DIAPH2: variants seen among roughly 807,000 people sequenced by gnomAD.
DIAPH2 encodes the protein diaphanous related formin 2, also known as protein diaphanous homolog 2.
Under a neutral mutation model 92.7 loss-of-function variants are expected in DIAPH2, and 35 were observed. The ratio of observed to expected loss-of-function variants is 0.38; its 90% CI spans 0.29 to 0.50. DIAPH2 has a LOEUF of 0.50. Among genes scored for constraint, DIAPH2 ranks in the 20% least tolerant of loss-of-function variants. The pLI, the probability that DIAPH2 is intolerant of heterozygous loss-of-function variation, is 0.94. For synonymous variants in DIAPH2, 301 were observed against 280.4 expected (o/e 1.07, Z -0.73); for missense variants, 701 against 819.5 (o/e 0.86, Z 1.77).
intron 25 of DIAPH2, among the ~76,000 whole-genome samples, chrX:97,425,774 C>T (rs1314873112): frequency 6.2e-5 from 6 of 96,541 alleles, no homozygotes; most frequent in African/African-American, 1.2e-4. Flanking sequence ...GAGGGAGACT[C>T]GGTCTCAAAA....
chrX:97,583,007 T>C (rs1342265629), intron 26 of DIAPH2, among the ~76,000 whole-genome samples: 4 of 112,167 alleles, frequency 3.6e-5, no homozygotes, highest in African/African-American at 9.7e-5. Flanking sequence ...GTTCTCGAGC[T>C]TTGGTCTTCA....
rs780653047 is a variant in DIAPH2, at chrX:97,271,813, GCACACA to G, written c.2844+24003_2844+24008del. Among the ~76,000 whole-genome samples, 647 of 91,548 alleles carry G rather than the reference GCACACA, an allele frequency of 7.1e-3. 6 individuals carry two copies. The highest frequency in any genetic ancestry group is 0.024 in the African/African-American group (601 of 25,163). The allele number at this position is 91,548 out of a possible 115,157, so 79.5% of individuals were successfully genotyped here. A position where few individuals can be genotyped will look rare whatever the true frequency, so the allele number is the denominator to read the frequency against. On this transcript the variant is annotated intron_variant, in intron 23 of 26. Coordinates refer to ENST00000324765, the MANE Select transcript of DIAPH2 (RefSeq NM_006729.5). Reference sequence around the variant, plus strand: ...GAGATTGCAATGACTATATATATATGCACACACACACACACACACACACACACACAC... The same window carrying G: ...GAGATTGCAATGACTATATATATATGCACACACACACACACACACACACAC...
chrX:97,314,217 T>A (rs2068821402), intron 23 of DIAPH2, among the ~76,000 whole-genome samples: 1 of 99,891 alleles, frequency 1.0e-5, no homozygotes, highest in Admixed American at 1.2e-4. Flanking sequence ...AAGACGAGCC[T>A]GGGACACATA....
intron 17 of DIAPH2, among the ~76,000 whole-genome samples, chrX:96,983,967 G>A (rs1189105716): frequency 1.8e-5 from 2 of 111,596 alleles, no homozygotes; most frequent in Non-Finnish European, 3.8e-5. Context: ...AATTAGGATG[G>A]ACCCTAGTTA....
At chrX:97,542,146 A>G (rs2071145088) in intron 26 of DIAPH2, among the ~76,000 whole-genome samples, 1 of 112,495 alleles carries the variant, frequency 8.9e-6, no homozygotes, top group Non-Finnish European at 1.9e-5. Context: ...TTTGAAATGC[A>G]TTATCCGATA....
chrX:97,455,505 G>A (rs1036669354), intron 26 of DIAPH2, among the ~76,000 whole-genome samples: 3 of 111,729 alleles, frequency 2.7e-5, no homozygotes, highest in African/African-American at 6.5e-5. Flanking sequence ...ATTTCCAAAC[G>A]ATTGCAAAAT....
At position 96,937,281 on chromosome X, in the gene DIAPH2, T is replaced by C; in HGVS notation, c.1138T>C (p.Phe380Leu). 8.6e-7 allele frequency: 1 copy of C among 1,169,422 alleles called. No individual in the cohort carries two copies. The highest frequency in any genetic ancestry group is 1.2e-6 in the Non-Finnish European group (1 of 866,680). The change falls in exon 11 of 27, where the codon TTT becomes CTT. Residue 380 changes from phenylalanine to leucine, a missense_variant. Coordinates refer to ENST00000324765, the MANE Select transcript of DIAPH2 (RefSeq NM_006729.5). ...TGAGCTTGATATTCAGTTGAAAGTATTTGATGAAAACAAAGAAGATGACCT... is the reference window on the plus strand; with the variant it reads ...TGAGCTTGATATTCAGTTGAAAGTACTTGATGAAAACAAAGAAGATGACCT... ...NDELDIQLKV[F>L]DENKEDDLTE...
intron 17 of DIAPH2, among the ~76,000 whole-genome samples, chrX:96,969,751 A>G (rs1412009100): frequency 1.8e-5 from 2 of 111,242 alleles, no homozygotes; most frequent in African/African-American, 3.3e-5. Flanking sequence ...TTACTCATCC[A>G]AGGGCTTCCA....
At chrX:96,983,795 A>T (rs1445460234) in intron 17 of DIAPH2, among the ~76,000 whole-genome samples, 1 of 111,711 alleles carries the variant, frequency 9.0e-6, no homozygotes, top group Non-Finnish European at 1.9e-5. Flanking sequence ...ACCCTCAGAG[A>T]CATTAAGGCA....
chrX:96,895,428 G>A (rs1411662751), intron 5 of DIAPH2, among the ~76,000 whole-genome samples: 1 of 112,032 alleles, frequency 8.9e-6, no homozygotes, highest in East Asian at 2.8e-4. Context: ...GACACATACT[G>A]CAGAGGTCTA....
intron 4 of DIAPH2, among the ~76,000 whole-genome samples, chrX:96,801,656 TTA>T (rs1439264514): frequency 7.2e-5 from 8 of 111,414 alleles, no homozygotes; most frequent in Non-Finnish European, 1.3e-4. Context: ...TGCCCAGAAT[TTA>T]TGTCATGTCA....
chrX:96,892,735 A>G (rs996119770), intron 5 of DIAPH2, among the ~76,000 whole-genome samples: 1 of 112,147 alleles, frequency 8.9e-6, no homozygotes, highest in Non-Finnish European at 1.9e-5. Flanking sequence ...TGCTACAGGC[A>G]TTAGGATAAA....
At chrX:97,162,933 T>C (rs989295814) in intron 22 of DIAPH2, among the ~76,000 whole-genome samples, 1 of 111,459 alleles carries the variant, frequency 9.0e-6, no homozygotes, top group Non-Finnish European at 1.9e-5. Context: ...TGATATTTAT[T>C]GTTTCTAAGG....
intron 18 of DIAPH2, among the ~76,000 whole-genome samples, chrX:97,074,431 A>G (rs1044964008): frequency 8.9e-6 from 1 of 112,317 alleles, no homozygotes; most frequent in Non-Finnish European, 1.9e-5. Flanking sequence ...GAAAAAAGAA[A>G]TGTTCAAGTT....
intron 24 of DIAPH2, 70 bp from the exon 25 acceptor site, chrX:97,383,839 C>G: frequency 1.0e-6 from 1 of 977,885 alleles, no homozygotes; most frequent in Non-Finnish European, 1.4e-6. Flanking sequence ...AGAGAAAATT[C>G]AAAACTGTGC....
At chrX:97,135,589 G>A (rs749231394) in intron 21 of DIAPH2, among the ~76,000 whole-genome samples, 10 of 110,728 alleles carry the variant, frequency 9.0e-5, no homozygotes, top group Non-Finnish European at 1.9e-4. Flanking sequence ...CTTTCCACAC[G>A]CATACCATCT....
chrX:97,060,030 A>G (rs1243900780), intron 17 of DIAPH2, among the ~76,000 whole-genome samples: 3 of 112,737 alleles, frequency 2.7e-5, no homozygotes, highest in African/African-American at 9.7e-5. Flanking sequence ...AGCCAGTTTG[A>G]ATTTTTAATT....
intron 17 of DIAPH2, among the ~76,000 whole-genome samples, chrX:97,069,747 T>C (rs930424068): frequency 1.8e-5 from 2 of 112,328 alleles, no homozygotes; most frequent in East Asian, 2.8e-4. Flanking sequence ...GTTATCACTA[T>C]GTAAATCATG....
At chrX:96,934,314 T>TA (rs1688966958) in intron 10 of DIAPH2, among the ~76,000 whole-genome samples, 1 of 112,027 alleles carries the variant, frequency 8.9e-6, no homozygotes, top group Admixed American at 9.5e-5. Context: ...TTAAAATCCT[T>TA]ACGTTTTCTT....
Sources: allele counts gnomAD v4.1 joint callset (sites outside exome capture counted in the v4.1 genomes callset), GRCh38; gene constraint gnomAD v4.1.1; transcripts MANE v1.5; gene names NCBI Gene and HGNC (gene_info 2026-07-23, HGNC 2026-07-21).